DTNA: variants seen among roughly 807,000 people sequenced by gnomAD.
The protein encoded by DTNA is dystrophin-related protein 3.
A neutral mutation model predicts 100.7 loss-of-function variants in DTNA; 43 were observed. The ratio of observed to expected loss-of-function variants is 0.43; its 90% CI spans 0.33 to 0.55. The LOEUF (loss-of-function observed/expected upper bound fraction) is 0.55. DTNA is among the 20% of genes least tolerant of loss of function. The pLI, the probability that DTNA is intolerant of heterozygous loss-of-function variation, is 0.04. For missense variants in DTNA, 798 were observed against 953.9 expected (o/e 0.84, Z 2.15); for synonymous variants, 349 against 347.9 (o/e 1.00, Z -0.04).
At chr18:34,702,784 A>C (rs1028760862) in intron 1 of DTNA, among the ~76,000 whole-genome samples, 6 of 152,214 alleles carry the variant, frequency 3.9e-5, no homozygotes, top group African/African-American at 1.4e-4. Flanking sequence ...CACCTATTAA[A>C]ATTTATTCCA....
At position 34,848,338 on chromosome 18, in the gene DTNA, A is replaced by G; in HGVS notation, c.1389A>G (p.Leu463=). The change falls in exon 14 of 23, where the codon CTA becomes CTG. Residue 463 remains leucine, a synonymous_variant. Coordinates refer to ENST00000444659, the MANE Select transcript of DTNA (RefSeq NM_001386795.1). ...SSNRLDEEHR[L]IARYAARLAA... is the part of the protein sequence containing the mutation. ...ACCGGCTTGATGAAGAACACAGGCT[A>G]ATTGCCAGGTATGCGGCAAGGCTGG... is the stretch of plus-strand genomic sequence containing the variant. 4 of 1,614,066 alleles carry G rather than the reference A, an allele frequency of 2.5e-6. No homozygotes were observed.
At chr18:34,789,236 A>AC (rs745895336) in intron 3 of DTNA, among the ~76,000 whole-genome samples, 110 of 152,294 alleles carry the variant, frequency 7.2e-4, no homozygotes, top group Non-Finnish European at 1.3e-3. Flanking sequence ...AGACAAAAAT[A>AC]CCACCATCCC....
chr18:34,553,552 T>C (rs1377323668), intron 1 of DTNA, among the ~76,000 whole-genome samples: 1 of 152,172 alleles, frequency 6.6e-6, no homozygotes, highest in Non-Finnish European at 1.5e-5. Context: ...GAATTGATTT[T>C]TGTATAAGGT....
At chr18:34,569,647 A>T (rs564308977) in intron 1 of DTNA, among the ~76,000 whole-genome samples, 3 of 152,306 alleles carry the variant, frequency 2.0e-5, no homozygotes, top group Admixed American at 6.5e-5. Flanking sequence ...GTGACTATGG[A>T]GGTTGACAAG....
Position 34,818,687 on chromosome 18 carries a change from G to A in DTNA, c.876+357G>A, listed in dbSNP as rs1030092248. The A allele has an allele frequency of 1.2e-5, 13 of 1,089,726 alleles. 1 individual carries two copies. The highest frequency in any genetic ancestry group is 1.1e-4 in the African/African-American group (7 of 61,142). 67.5% of individuals were successfully genotyped at this position (1,089,726 alleles called of 1,614,324 possible). On this transcript the variant is annotated intron_variant, in intron 8 of 22. Coordinates refer to ENST00000444659, the MANE Select transcript of DTNA (RefSeq NM_001386795.1). ...TTTCCAAGTTTTGTTTTGTGGAAAC[G>A]GCTTAAAAATTATTGTTAGTTTTAT...
At position 34,572,180 on chromosome 18, in the gene DTNA, A is replaced by G. The variant is rs1013104049; in HGVS notation, c.-2+78666A>G. ...ATCTGGGATAAACAGATTTAGATAA[A>G]CAGATGCTCAGAACCCAGCCCTAGA... On this transcript the variant is annotated intron_variant, in intron 1 of 19. Coordinates refer to the DTNA transcript ENST00000283365. Among the ~76,000 whole-genome samples, 3 of 152,192 alleles carry G rather than the reference A, an allele frequency of 2.0e-5. No individual in the cohort carries two copies. The East Asian group carries it at 5.8e-4, about 29-fold the overall frequency.
intron 1 of DTNA, among the ~76,000 whole-genome samples, chr18:34,676,860 A>G (rs1230400227): frequency 6.6e-6 from 1 of 152,166 alleles, no homozygotes; most frequent in Non-Finnish European, 1.5e-5. Flanking sequence ...GAATGGAGAA[A>G]GGTATAATTT....
chr18:34,860,220 G>GTATTTTTTTTTTTTTTTTTTTTTT, intron 16 of DTNA, among the ~76,000 whole-genome samples: 1 of 80,254 alleles, frequency 1.2e-5, no homozygotes, highest in Non-Finnish European at 2.4e-5. Context: ...CTAATTTTTT[G>GTATTTTTTTTTTTTTTTTTTTTTT]TTTTTTTTTT....
chr18:34,785,149 A>G (rs1197386555), intron 3 of DTNA, among the ~76,000 whole-genome samples: 2 of 152,000 alleles, frequency 1.3e-5, no homozygotes, highest in African/African-American at 4.8e-5. Context: ...TCCTGACCTC[A>G]TGATCCGCCC....
intron 1 of DTNA, among the ~76,000 whole-genome samples, chr18:34,681,716 A>ACACACACACACACACCC (rs2078139864): frequency 2.0e-5 from 3 of 150,972 alleles, no homozygotes; most frequent in Non-Finnish European, 4.4e-5. Context: ...ACACACACAC[A>ACACACACACACACACCC]CACACACACA....
chr18:34,833,988 T>A (rs2096074897), intron 11 of DTNA, among the ~76,000 whole-genome samples: 1 of 152,212 alleles, frequency 6.6e-6, no homozygotes, highest in African/African-American at 2.4e-5. Context: ...GTAGGTTCCA[T>A]TGTACCTGAT....
At chr18:34,525,159 A>G (rs532419014) in intron 1 of DTNA, among the ~76,000 whole-genome samples, 1 of 152,248 alleles carries the variant, frequency 6.6e-6, no homozygotes, top group Admixed American at 6.5e-5. Context: ...AACCTTGGAA[A>G]GTCTCCGTGA....
In DTNA at chr18:34,551,856, A is replaced by G. The variant is rs150586546; in HGVS notation, c.-2+58342A>G. 6.6e-4 allele frequency among the ~76,000 whole-genome samples: 101 copies of G among 152,342 alleles called. No homozygotes were observed. In the East Asian group the frequency reaches 0.016, roughly 24 times the overall value. On this transcript the variant is annotated intron_variant, in intron 1 of 19. Coordinates refer to the DTNA transcript ENST00000283365. ...CAATGAAAATTTACCTCTGTGACGC[A>G]TAAGACCCAAATAATGTGATCTTGG...
chr18:34,828,161 A>G (rs2095905489), intron 10 of DTNA, among the ~76,000 whole-genome samples: 1 of 152,214 alleles, frequency 6.6e-6, no homozygotes, highest in South Asian at 2.1e-4. Context: ...TAGTTTCCAT[A>G]TAAGTAATTT....
chr18:34,714,875 C>T (rs2083674445), intron 1 of DTNA, among the ~76,000 whole-genome samples: 1 of 151,988 alleles, frequency 6.6e-6, no homozygotes, highest in African/African-American at 2.4e-5. Context: ...TACTATGCAG[C>T]CATAAAAAAT....
At chr18:34,876,876 CT>C (rs1292018673) in intron 18 of DTNA, among the ~76,000 whole-genome samples, 1 of 152,062 alleles carries the variant, frequency 6.6e-6, no homozygotes, top group African/African-American at 2.4e-5. Context: ...AAGAAATGTA[CT>C]ATATTTTAAA....
At chr18:34,499,233 C>T in intron 1 of DTNA, among the ~76,000 whole-genome samples, 1 of 152,264 alleles carries the variant, frequency 6.6e-6, no homozygotes, top group Middle Eastern at 3.4e-3. Context: ...TGGAATTATA[C>T]ATAATGGGAA....
At chr18:34,628,274 G>A (rs778257429) in intron 1 of DTNA, among the ~76,000 whole-genome samples, 5 of 152,152 alleles carry the variant, frequency 3.3e-5, no homozygotes, top group African/African-American at 9.7e-5. Flanking sequence ...TTTTAATACA[G>A]TAAGAAGTTA....
intron 1 of DTNA, among the ~76,000 whole-genome samples, chr18:34,747,845 A>G (rs1049153287): frequency 6.6e-6 from 1 of 152,088 alleles, no homozygotes; most frequent in African/African-American, 2.4e-5. Flanking sequence ...GGATTGCTGG[A>G]TCAAATGGTA....
Sources: allele counts gnomAD v4.1 joint callset (sites outside exome capture counted in the v4.1 genomes callset), GRCh38; gene constraint gnomAD v4.1.1; transcripts MANE v1.5; gene names NCBI Gene and HGNC (gene_info 2026-07-23, HGNC 2026-07-21).